The following WIPF3 variants were observed in gnomAD, a reference collection of about 807,000 sequenced individuals.
WIPF3 encodes the protein WAS/WASL interacting protein family member 3, also known as WAS/WASL-interacting protein family member 3.
In WIPF3, 33 loss-of-function variants were observed where a neutral mutation model predicts 38.9. That is an observed-to-expected ratio of 0.85 (90% CI 0.64 to 1.14). The LOEUF is 1.14. WIPF3 is among the 50% of genes most tolerant of loss of function. The pLI is 0.00. For synonymous variants in WIPF3, 324 were observed against 269.3 expected (o/e 1.20, Z -1.99); for missense variants, 711 against 652.5 (o/e 1.09, Z -0.98).
At chr7:29,821,424 A>G (rs1784535260) in intron 1 of WIPF3, among the ~76,000 whole-genome samples, 1 of 152,056 alleles carries the variant, frequency 6.6e-6, no homozygotes, top group Admixed American at 6.6e-5. Flanking sequence ...CCTCCCAAGT[A>G]GCTGGGACAA....
intron 8 of WIPF3, chr7:29,904,957 T>G (rs1786362770): frequency 6.6e-6 from 1 of 152,540 alleles, no homozygotes; most frequent in African/African-American, 2.4e-5. Context: ...CACATTTCCC[T>G]GCACATGACA....
intron 2 of WIPF3, among the ~76,000 whole-genome samples, chr7:29,846,774 A>G (rs1034213585): frequency 1.3e-5 from 2 of 152,248 alleles, no homozygotes; most frequent in Non-Finnish European, 2.9e-5. Context: ...ACAGTTGTCC[A>G]ATCAGCACTC....
At chr7:29,888,489 G>GTGTGCA (rs1785933176) in intron 6 of WIPF3, among the ~76,000 whole-genome samples, 1 of 130,542 alleles carries the variant, frequency 7.7e-6, no homozygotes, top group Middle Eastern at 4.4e-3. Context: ...GTGTGAGTGT[G>GTGTGCA]TGTGCGTGTG....
At chr7:29,865,268 G>A (rs1365552149) in intron 2 of WIPF3, among the ~76,000 whole-genome samples, 1 of 152,134 alleles carries the variant, frequency 6.6e-6, no homozygotes, top group Non-Finnish European at 1.5e-5. Flanking sequence ...GTCTTTAGGG[G>A]TGACTTACTC....
At chr7:29,809,022 TAACTC>T (rs1179638644) in intron 1 of WIPF3, among the ~76,000 whole-genome samples, 3 of 152,170 alleles carry the variant, frequency 2.0e-5, no homozygotes, top group Non-Finnish European at 2.9e-5. Context: ...CCTACACAAA[TAACTC>T]AGCAAAAGGA....
intron 1 of WIPF3, among the ~76,000 whole-genome samples, chr7:29,834,244 A>G (rs1257468652): frequency 1.3e-5 from 2 of 152,212 alleles, no homozygotes; most frequent in African/African-American, 2.4e-5. Context: ...GTTACATTTC[A>G]TTCTGTTTGC....
chr7:29,881,756 T>C (rs1387906984), intron 4 of WIPF3, among the ~76,000 whole-genome samples: 1 of 152,220 alleles, frequency 6.6e-6, no homozygotes, highest in Non-Finnish European at 1.5e-5. Context: ...ACATTCAGAT[T>C]TGAGGAAGAA....
chr7:29,811,001 A>T (rs1297612460), intron 1 of WIPF3, among the ~76,000 whole-genome samples: 1 of 151,808 alleles, frequency 6.6e-6, no homozygotes, highest in South Asian at 2.1e-4. Flanking sequence ...TGATCCTCCC[A>T]CCTCAGCCTC....
chr7:29,854,839 T>C (rs981321182), intron 2 of WIPF3, among the ~76,000 whole-genome samples: 1 of 152,146 alleles, frequency 6.6e-6, no homozygotes, highest in East Asian at 1.9e-4. Context: ...TAAAGTGAAG[T>C]GCTAGTGCTT....
At chr7:29,876,223 T>A (rs878900) in intron 3 of WIPF3, among the ~76,000 whole-genome samples, 44,606 of 152,234 alleles carry the variant, frequency 0.29, 6,871 homozygotes, top group African/African-American at 0.36. Flanking sequence ...TTTAAAAATT[T>A]TGATAAAATA....
intron 1 of WIPF3, among the ~76,000 whole-genome samples, chr7:29,814,101 A>C (rs1001956898): frequency 1.3e-5 from 2 of 152,022 alleles, no homozygotes; most frequent in Admixed American, 6.6e-5. Context: ...TTGTATTTTT[A>C]GTAGAGATGG....
At chr7:29,843,334 T>C (rs1201356371) in intron 2 of WIPF3, among the ~76,000 whole-genome samples, 1 of 152,122 alleles carries the variant, frequency 6.6e-6, no homozygotes, top group Non-Finnish European at 1.5e-5. Context: ...GGAGAGGGCT[T>C]GCAGTGGTGT....
At chr7:29,849,551 C>T (rs1459567946) in intron 2 of WIPF3, among the ~76,000 whole-genome samples, 1 of 152,198 alleles carries the variant, frequency 6.6e-6, no homozygotes, top group Non-Finnish European at 1.5e-5. Context: ...GAAGAATTTT[C>T]ACCTTCAGTG....
At chr7:29,901,228 C>T (rs1296747564) in intron 7 of WIPF3, among the ~76,000 whole-genome samples, 1 of 152,022 alleles carries the variant, frequency 6.6e-6, no homozygotes, top group Non-Finnish European at 1.5e-5. Context: ...GAAGGGAGCC[C>T]ATGTGAAGGA....
At position 29,914,625 on chromosome 7, in the gene WIPF3, TGAGAA is replaced by T; in HGVS notation, c.*110_*114del. The stretch of plus-strand genomic sequence containing the variant: ...TTCAGTTGGCATACAGGCTTGGAAT[TGAGAA>T]TTTATTTATTGTAAATATGTGATTT... On this transcript the variant is annotated 3_prime_UTR_variant, in exon 9 of 9. Coordinates refer to ENST00000242140, the MANE Select transcript of WIPF3 (RefSeq NM_001080529.3). 1.4e-6 allele frequency: 1 copy of T among 689,708 alleles called. No individual in the cohort carries two copies. Among genetic ancestry groups the T allele is most frequent in the East Asian group, 3.3e-5 (1 of 29,958 alleles). 42.7% of individuals were successfully genotyped at this position (689,708 alleles called of 1,614,324 possible). A position where few individuals can be genotyped will look rare whatever the true frequency, so the allele number is the denominator to read the frequency against.
At chr7:29,888,516 T>C (rs1166313449) in intron 6 of WIPF3, among the ~76,000 whole-genome samples, 4 of 151,640 alleles carry the variant, frequency 2.6e-5, no homozygotes, top group African/African-American at 7.3e-5. Flanking sequence ...TGTGCGTGTG[T>C]GTGTGTGTGT....
At chr7:29,850,046 C>A (rs1345489979) in intron 2 of WIPF3, among the ~76,000 whole-genome samples, 1 of 152,148 alleles carries the variant, frequency 6.6e-6, no homozygotes, top group Non-Finnish European at 1.5e-5. Context: ...TTTAAAATAT[C>A]TCAAGACTCA....
intron 6 of WIPF3, among the ~76,000 whole-genome samples, chr7:29,888,500 C>CGTGTGTGT (rs756243450): frequency 2.3e-3 from 317 of 138,772 alleles, no homozygotes; most frequent in African/African-American, 8.1e-3. Flanking sequence ...TGTGCGTGTG[C>CGTGTGTGT]GTGTGTGTGC....
chr7:29,852,525 T>C (rs796543593), intron 2 of WIPF3, among the ~76,000 whole-genome samples: 9 of 152,256 alleles, frequency 5.9e-5, no homozygotes, highest in African/African-American at 2.2e-4. Flanking sequence ...ATATTATTCT[T>C]GCTTTAACAA....
Sources: allele counts gnomAD v4.1 joint callset (sites outside exome capture counted in the v4.1 genomes callset), GRCh38; gene constraint gnomAD v4.1.1; transcripts MANE v1.5; gene names NCBI Gene and HGNC (gene_info 2026-07-23, HGNC 2026-07-21).